Variants in VSTM2A observed in about 807,000 individuals in gnomAD.
The protein encoded by VSTM2A is V-set and transmembrane domain-containing protein 2A.
Under a neutral mutation model 27.3 loss-of-function variants are expected in VSTM2A, and 13 were observed. The observed-to-expected ratio is 0.48, with a 90% CI of 0.31 to 0.76. The LOEUF (loss-of-function observed/expected upper bound fraction) is 0.76, where lower values mean the gene tolerates loss of function less well. Ranked by LOEUF, VSTM2A falls within the 30% of genes least tolerant of loss-of-function variation. The probability of loss-of-function intolerance (pLI) is 0.05; values close to 1 mark genes in which losing one functional copy is unlikely to be tolerated. For synonymous variants in VSTM2A, 142 were observed against 125.7 expected, an observed-to-expected ratio of 1.13 and a Z score of -0.87; for missense variants, 280 against 310.0, an observed-to-expected ratio of 0.90 and a Z score of 0.73.
At chr7:54,559,852 G>GA (rs994883250) in intron 4 of VSTM2A, 7 of 151,678 alleles carry the variant, frequency 4.6e-5, no homozygotes, top group African/African-American at 1.7e-4. Context: ...GACATCACGT[G>GA]AAAAAACATA....
chr7:54,547,575 T>C (rs955215788), intron 3 of VSTM2A, among the ~76,000 whole-genome samples: 3 of 152,154 alleles, frequency 2.0e-5, no homozygotes, highest in Non-Finnish European at 4.4e-5. Flanking sequence ...AGTTCCACTC[T>C]CTTGCTTATT....
At chr7:54,546,916 G>A (rs1314450388) in intron 2 of VSTM2A, 31 bp from the exon 3 acceptor site, 1 of 1,597,326 alleles carries the variant, frequency 6.3e-7, no homozygotes, top group Middle Eastern at 1.7e-4. Context: ...CGGGCCTGGC[G>A]CGGGACTGAG....
At chr7:54,557,862 C>G (rs1241806169) in intron 4 of VSTM2A, 2 of 152,114 alleles carry the variant, frequency 1.3e-5, no homozygotes, top group East Asian at 3.9e-4. Flanking sequence ...AAATATCTTC[C>G]TTGCTGGTTG....
chr7:54,547,046 A>C (rs746329894), intron 3 of VSTM2A, 49 bp downstream of exon 3: 4 of 1,520,988 alleles, frequency 2.6e-6, no homozygotes, highest in Non-Finnish European at 1.8e-6. Context: ...CGGGACGCAC[A>C]GCCCTTCCCT....
chr7:54,545,952 A>T (rs1237987325), intron 2 of VSTM2A, among the ~76,000 whole-genome samples: 2 of 24,766 alleles, frequency 8.1e-5, no homozygotes, highest in Non-Finnish European at 1.2e-4. Flanking sequence ...GGGAGAGCAG[A>T]GAGAATGAGG....
rs189772420 is a variant in VSTM2A, at chr7:54,562,238, A to G, written c.635-6893A>G. Among the ~76,000 whole-genome samples the G allele has an allele frequency of 7.2e-5, 11 of 152,312 alleles. No homozygotes were observed. In the East Asian group the frequency reaches 2.1e-3, roughly 29 times the overall value. ...CTCCCAGCCTTTAGTTTTTATATTT[A>G]TAAATCATGGCTATATCTTTATTTT... On this transcript the variant is annotated intron_variant, in intron 4 of 4. Transcript: ENST00000402613.
At chr7:54,545,171 CT>C (rs1787907785) in intron 2 of VSTM2A, among the ~76,000 whole-genome samples, 1 of 151,872 alleles carries the variant, frequency 6.6e-6, no homozygotes, top group Non-Finnish European at 1.5e-5. Flanking sequence ...ACCCCACCCC[CT>C]CTCCCTTCTC....
chr7:54,550,370 T>G, intron 4 of VSTM2A, 200 bp downstream of exon 4: 1 of 1,414,066 alleles, frequency 7.1e-7, no homozygotes, highest in Non-Finnish European at 9.3e-7. Flanking sequence ...ACCCCGTCAG[T>G]CCCCTAGTGG....
intron 4 of VSTM2A, chr7:54,558,718 A>G (rs1788453575): frequency 6.6e-6 from 1 of 152,168 alleles, no homozygotes; most frequent in Non-Finnish European, 1.5e-5. Context: ...TTAAAAATGT[A>G]ACAGTTAAAG....
intron 4 of VSTM2A, chr7:54,559,052 C>T (rs1359086254): frequency 6.6e-6 from 1 of 151,868 alleles, no homozygotes; most frequent in Non-Finnish European, 1.5e-5. Flanking sequence ...TTATGTAACC[C>T]ACTCCTAATC....
intron 4 of VSTM2A, among the ~76,000 whole-genome samples, chr7:54,562,977 A>G (rs1788608645): frequency 6.6e-6 from 1 of 152,194 alleles, no homozygotes; most frequent in African/African-American, 2.4e-5. Context: ...ACACTTGTCT[A>G]TATATCAGTA....
chr7:54,564,054 A>G (rs2115923063), intron 4 of VSTM2A, among the ~76,000 whole-genome samples: 1 of 152,340 alleles, frequency 6.6e-6, no homozygotes, highest in East Asian at 1.9e-4. Flanking sequence ...TTCATTTCTG[A>G]AGCTGGCATC....
At chr7:54,554,023 C>A in intron 4 of VSTM2A, 1 of 1,553,292 alleles carries the variant, frequency 6.4e-7, no homozygotes. Flanking sequence ...CTTCCCCAAC[C>A]TGGCCATGGA....
At chr7:54,568,511 T>C (rs1584072292) in intron 4 of VSTM2A, among the ~76,000 whole-genome samples, 1 of 151,976 alleles carries the variant, frequency 6.6e-6, no homozygotes, top group Admixed American at 6.5e-5. Flanking sequence ...TAGCACTAAC[T>C]TTCTCCAAGA....
intron 4 of VSTM2A, among the ~76,000 whole-genome samples, chr7:54,566,971 G>A (rs1046801716): frequency 1.3e-5 from 2 of 152,166 alleles, no homozygotes; most frequent in Admixed American, 1.3e-4. Context: ...AAATCTGAAT[G>A]AAAATGACTA....
intron 3 of VSTM2A, among the ~76,000 whole-genome samples, chr7:54,547,443 C>T (rs1279660275): frequency 2.0e-5 from 3 of 152,152 alleles, no homozygotes; most frequent in Admixed American, 6.5e-5. Context: ...TTGAATGTCA[C>T]TTTAATGCAT....
chr7:54,550,349 C>T, intron 4 of VSTM2A, 179 bp downstream of exon 4: 1 of 1,445,662 alleles, frequency 6.9e-7, no homozygotes, highest in Non-Finnish European at 9.1e-7. Flanking sequence ...GAGCTCAAAG[C>T]ATGTGGGTGC....
chr7:54,570,153 C>T lies in VSTM2A; in HGVS notation c.*934C>T, dbSNP rs1788847111. On this transcript the variant is annotated 3_prime_UTR_variant, in exon 5 of 5. Transcript: ENST00000402613. ...ATGAATTAATTTTGTTATGTCTGTG[C>T]TAAGTTGGAATTTACTATGTTCCTT... is the stretch of plus-strand genomic sequence containing the variant. 1 of 152,084 alleles carries T rather than the reference C, an allele frequency of 6.6e-6. No individual in the cohort carries two copies. The highest frequency in any genetic ancestry group is 2.4e-5 in the African/African-American group (1 of 41,410). The allele number at this position is 152,084 out of a possible 1,614,324, so 9.4% of individuals were successfully genotyped here.
In VSTM2A at chr7:54,552,778, A is replaced by G. The variant is rs188912774; in HGVS notation, c.634+2608A>G. ...CTTGCTCTTGGAAGCCAATAGCTATATTGTACTAGCCTTTTATCTTTTATT... is the reference window on the plus strand; with the variant it reads ...CTTGCTCTTGGAAGCCAATAGCTATGTTGTACTAGCCTTTTATCTTTTATT... On this transcript the variant is annotated intron_variant, in intron 4 of 4. Coordinates refer to ENST00000402613, the MANE Select transcript of VSTM2A (RefSeq NM_001301009.2). 6.6e-5 allele frequency among the ~76,000 whole-genome samples: 10 copies of G among 152,336 alleles called. No individual in the cohort carries two copies. In the East Asian group the frequency reaches 1.5e-3, roughly 23 times the overall value.
Sources: gnomAD v4.1 joint callset for allele counts (sites outside exome capture counted in the v4.1 genomes callset) on GRCh38, gnomAD v4.1.1 for gene constraint, MANE v1.5 for transcripts, NCBI Gene and HGNC (gene_info 2026-07-23, HGNC 2026-07-21) for gene names.